Variants in TAFA1 observed in about 807,000 individuals in gnomAD.
The protein encoded by TAFA1 is chemokine-like protein TAFA-1.
TAFA1 carries 4 observed loss-of-function variants against 18.5 expected under a neutral mutation model. The observed-to-expected ratio is 0.22, with a 90% CI of 0.11 to 0.49. The LOEUF is 0.49. Among genes scored for constraint, TAFA1 ranks in the 20% least tolerant of loss-of-function variants. The pLI, the probability that TAFA1 is intolerant of heterozygous loss-of-function variation, is 0.98. For missense variants in TAFA1, 147 were observed against 169.0 expected, an observed-to-expected ratio of 0.87 and a Z score of 0.72; for synonymous variants, 56 against 55.2, an observed-to-expected ratio of 1.01 and a Z score of -0.06.
intron 1 of TAFA1, chr3:68,006,283 T>A (rs1019775510): frequency 2.5e-5 from 5 of 200,064 alleles, no homozygotes; most frequent in Non-Finnish European, 5.2e-5. Flanking sequence ...TTTCAGTGCC[T>A]GGGATAACTA....
chr3:68,394,316 G>C (rs2070331121), intron 2 of TAFA1, among the ~76,000 whole-genome samples: 1 of 152,038 alleles, frequency 6.6e-6, no homozygotes, highest in African/African-American at 2.4e-5. Context: ...ACAAACAAAT[G>C]GAAAAACATT....
At chr3:68,414,459 A>G (rs77959089) in intron 2 of TAFA1, among the ~76,000 whole-genome samples, 1 of 152,202 alleles carries the variant, frequency 6.6e-6, no homozygotes, top group African/African-American at 2.4e-5. Context: ...ACTTGTGAAA[A>G]GATGCAAAAA....
At chr3:68,499,769 C>A (rs2072625204) in intron 3 of TAFA1, among the ~76,000 whole-genome samples, 1 of 151,236 alleles carries the variant, frequency 6.6e-6, no homozygotes, top group Admixed American at 6.6e-5. Flanking sequence ...TTATTAGAAG[C>A]AAAGGGCAGT....
chr3:68,112,250 T>C (rs1023937404), intron 2 of TAFA1, among the ~76,000 whole-genome samples: 8 of 152,176 alleles, frequency 5.3e-5, no homozygotes, highest in African/African-American at 1.2e-4. Flanking sequence ...CTCATGAGTG[T>C]AGAAGTAGAA....
chr3:68,098,093 A>C (rs2065107887), intron 2 of TAFA1, among the ~76,000 whole-genome samples: 1 of 152,188 alleles, frequency 6.6e-6, no homozygotes, highest in African/African-American at 2.4e-5. Context: ...GACTGCAAAG[A>C]ACCTGTTGTG....
chr3:68,399,615 C>G (rs1384940700), intron 2 of TAFA1, among the ~76,000 whole-genome samples: 1 of 151,932 alleles, frequency 6.6e-6, no homozygotes, highest in African/African-American at 2.4e-5. Flanking sequence ...TAATAAAATT[C>G]CAATAATTTC....
chr3:68,058,697 C>G (rs2064564777), intron 2 of TAFA1, among the ~76,000 whole-genome samples: 1 of 152,202 alleles, frequency 6.6e-6, no homozygotes, highest in African/African-American at 2.4e-5. Context: ...TTAGTAATGT[C>G]TCTCAGAAAA....
chr3:68,339,812 A>G (rs113544595), intron 2 of TAFA1, among the ~76,000 whole-genome samples: 10 of 152,246 alleles, frequency 6.6e-5, no homozygotes, highest in African/African-American at 1.2e-4. Flanking sequence ...AACCATCTCT[A>G]AAAGAGAGGG....
chr3:68,144,856 CAAT>C, intron 2 of TAFA1: 1 of 615,584 alleles, frequency 1.6e-6, no homozygotes, highest in South Asian at 2.0e-5. Context: ...AACCTGAGCA[CAAT>C]GTCTTTTACA....
At chr3:68,425,539 T>C (rs2071036031) in intron 3 of TAFA1, among the ~76,000 whole-genome samples, 1 of 151,910 alleles carries the variant, frequency 6.6e-6, no homozygotes, top group South Asian at 2.1e-4. Flanking sequence ...GAAACAGCAT[T>C]TAGTCCCCAA....
At chr3:68,371,787 A>T (rs1473168631) in intron 2 of TAFA1, among the ~76,000 whole-genome samples, 5 of 152,200 alleles carry the variant, frequency 3.3e-5, no homozygotes, top group Non-Finnish European at 5.9e-5. Flanking sequence ...AAAGTGGCCA[A>T]GTTGGAGACA....
At chr3:68,132,873 A>G (rs1267907370) in intron 2 of TAFA1, among the ~76,000 whole-genome samples, 1 of 151,954 alleles carries the variant, frequency 6.6e-6, no homozygotes, top group Non-Finnish European at 1.5e-5. Context: ...AAAGCTCTTT[A>G]GTTTAATTAG....
chr3:68,090,921 G>C lies in TAFA1; in HGVS notation c.118+84177G>C, dbSNP rs1190079872. Among the ~76,000 whole-genome samples the C allele has an allele frequency of 2.0e-5, 3 of 152,186 alleles. No individual in the cohort carries two copies. The East Asian group carries it at 5.8e-4, about 29-fold the overall frequency. On this transcript the variant is annotated intron_variant, in intron 2 of 4. Coordinates refer to ENST00000478136, the MANE Select transcript of TAFA1 (RefSeq NM_213609.4). Reference sequence around the variant, plus strand: ...AGATTCTCAGCTAACAAAACAACCAGAATATTTATGTGTTCAGACACATGG... The same window carrying C: ...AGATTCTCAGCTAACAAAACAACCACAATATTTATGTGTTCAGACACATGG...
At position 68,142,487 on chromosome 3, in the gene TAFA1, G is replaced by A. The variant is rs187169172; in HGVS notation, c.118+135743G>A. ...TGTTTCCATGGTGCACTGTGCATGTGCAGTCCTTGAACGTTCTTGCATTTG... is the reference window on the plus strand; with the variant it reads ...TGTTTCCATGGTGCACTGTGCATGTACAGTCCTTGAACGTTCTTGCATTTG... On this transcript the variant is annotated intron_variant, in intron 2 of 4. Coordinates refer to ENST00000478136, the MANE Select transcript of TAFA1 (RefSeq NM_213609.4). Among the ~76,000 whole-genome samples the A allele has an allele frequency of 2.2e-3, 338 of 152,322 alleles. 1 individual carries two copies. Among genetic ancestry groups the A allele is most frequent in the Non-Finnish European group, 2.8e-3 (192 of 68,026 alleles).
chr3:68,227,756 C>T (rs139103289), intron 2 of TAFA1, among the ~76,000 whole-genome samples: 60 of 152,256 alleles, frequency 3.9e-4, no homozygotes, highest in Non-Finnish European at 6.9e-4. Flanking sequence ...GGCTTGAATC[C>T]GTGGTGAATT....
chr3:68,511,911 C>G (rs1228312162), intron 3 of TAFA1, among the ~76,000 whole-genome samples: 4 of 152,018 alleles, frequency 2.6e-5, no homozygotes, highest in Admixed American at 2.6e-4. Context: ...CCATCATTAT[C>G]ATCACCAATA....
intron 2 of TAFA1, among the ~76,000 whole-genome samples, chr3:68,380,287 A>G (rs2069914133): frequency 6.6e-6 from 1 of 152,214 alleles, no homozygotes. Flanking sequence ...ATACGCAGTA[A>G]TGGGATGGCT....
intron 3 of TAFA1, among the ~76,000 whole-genome samples, chr3:68,480,398 G>A (rs965812427): frequency 2.2e-5 from 3 of 134,384 alleles, no homozygotes; most frequent in African/African-American, 8.0e-5. Flanking sequence ...GCGAGACTTG[G>A]TCTCAAAAAA....
chr3:68,014,150 T>C (rs775143680), intron 2 of TAFA1, among the ~76,000 whole-genome samples: 2 of 152,216 alleles, frequency 1.3e-5, no homozygotes, highest in Non-Finnish European at 2.9e-5. Context: ...GGATGAAGAA[T>C]GGACCAATTG....
Sources: gnomAD v4.1 joint callset for allele counts (sites outside exome capture counted in the v4.1 genomes callset) on GRCh38, gnomAD v4.1.1 for gene constraint, MANE v1.5 for transcripts, NCBI Gene and HGNC (gene_info 2026-07-23, HGNC 2026-07-21) for gene names.